Variants in DCLK2 observed in about 807,000 individuals in gnomAD.
DCLK2 encodes serine/threonine-protein kinase DCLK2.
DCLK2 carries 31 observed loss-of-function variants against 78.4 expected under a neutral mutation model. That is an observed-to-expected ratio of 0.40 (90% CI 0.30 to 0.53). The LOEUF is 0.53. Ranked by LOEUF, DCLK2 falls within the 20% of genes least tolerant of loss-of-function variation. DCLK2 has a pLI of 0.61. For synonymous variants in DCLK2, 407 were observed against 374.9 expected, an observed-to-expected ratio of 1.09 and a Z score of -0.99; for missense variants, 872 against 973.7, an observed-to-expected ratio of 0.90 and a Z score of 1.39.
At chr4:150,121,027 C>T (rs560463989) in intron 2 of DCLK2, among the ~76,000 whole-genome samples, 439 of 152,046 alleles carry the variant, frequency 2.9e-3, no homozygotes, top group Non-Finnish European at 4.2e-3. Context: ...ACCGAGACTG[C>T]GCTATTGCAC....
intron 2 of DCLK2, among the ~76,000 whole-genome samples, chr4:150,163,519 A>G (rs1735855437): frequency 6.6e-6 from 1 of 152,174 alleles, no homozygotes; most frequent in African/African-American, 2.4e-5. Context: ...TCCTTGCCCA[A>G]CCGCCACCCC....
At chr4:150,199,874 T>TAC in intron 4 of DCLK2, among the ~76,000 whole-genome samples, 1 of 152,240 alleles carries the variant, frequency 6.6e-6, no homozygotes, top group Admixed American at 6.5e-5. Context: ...GGCACGGAGG[T>TAC]ACCACCTGTG....
intron 2 of DCLK2, among the ~76,000 whole-genome samples, chr4:150,147,973 A>G (rs1734603229): frequency 6.6e-6 from 1 of 152,252 alleles, no homozygotes; most frequent in Admixed American, 6.5e-5. Flanking sequence ...TGATAGCGTT[A>G]AAAAGTTGCC....
At chr4:150,112,093 A>G (rs918687371) in intron 2 of DCLK2, among the ~76,000 whole-genome samples, 10 of 152,154 alleles carry the variant, frequency 6.6e-5, no homozygotes, top group African/African-American at 2.4e-4. Context: ...CCAATCCATG[A>G]GCATGGTATG....
chr4:150,086,675 T>G (rs1310231855), intron 1 of DCLK2, among the ~76,000 whole-genome samples: 1 of 151,948 alleles, frequency 6.6e-6, no homozygotes, highest in African/African-American at 2.4e-5. Context: ...CCCTGCTAAT[T>G]TTTTGTATTT....
chr4:150,221,588 T>A, intron 6 of DCLK2, 89 bp from the exon 7 acceptor site: 1 of 744,526 alleles, frequency 1.3e-6, no homozygotes, highest in Non-Finnish European at 2.1e-6. Context: ...TAGAAATAAA[T>A]GCATCGCAGT....
chr4:150,212,187 C>T (rs6826061), intron 5 of DCLK2, among the ~76,000 whole-genome samples: 4 of 152,190 alleles, frequency 2.6e-5, no homozygotes, highest in Non-Finnish European at 5.9e-5. Context: ...ACATTTGGAA[C>T]ATTATCCAAC....
intron 1 of DCLK2, among the ~76,000 whole-genome samples, chr4:150,096,746 T>C (rs907580257): frequency 1.3e-5 from 2 of 152,270 alleles, no homozygotes; most frequent in South Asian, 4.1e-4. Flanking sequence ...AAGAAGTACT[T>C]GGGAACTGGG....
At chr4:150,181,085 T>C (rs577863162) in intron 2 of DCLK2, among the ~76,000 whole-genome samples, 1 of 152,358 alleles carries the variant, frequency 6.6e-6, no homozygotes, top group Non-Finnish European at 1.5e-5. Flanking sequence ...GGCTGTCCAC[T>C]CTTGATTGGA....
At chr4:150,131,241 G>GA (rs1257181485) in intron 2 of DCLK2, among the ~76,000 whole-genome samples, 2 of 151,782 alleles carry the variant, frequency 1.3e-5, no homozygotes, top group African/African-American at 2.4e-5. Flanking sequence ...TGTTAAGGCA[G>GA]AAAAAAAGCC....
At chr4:150,232,179 C>G (rs1332947638) in intron 8 of DCLK2, among the ~76,000 whole-genome samples, 158 bp from the exon 9 acceptor site, 1 of 152,198 alleles carries the variant, frequency 6.6e-6, no homozygotes, top group Non-Finnish European at 1.5e-5. Context: ...CCTGTCCCTA[C>G]AGGGACAATT....
chr4:150,215,554 A>G (rs1315024687), intron 5 of DCLK2, among the ~76,000 whole-genome samples: 2 of 152,210 alleles, frequency 1.3e-5, no homozygotes, highest in Non-Finnish European at 2.9e-5. Flanking sequence ...AGATGAAGAT[A>G]TGCATAGGGC....
At chr4:150,148,221 G>T (rs563269797) in intron 2 of DCLK2, among the ~76,000 whole-genome samples, 8 of 152,136 alleles carry the variant, frequency 5.3e-5, no homozygotes, top group Middle Eastern at 3.4e-3. Context: ...AAAATTAGCT[G>T]GACGTTGTGG....
chr4:150,141,648 G>A (rs1442360439), intron 2 of DCLK2, among the ~76,000 whole-genome samples: 2 of 152,128 alleles, frequency 1.3e-5, no homozygotes, highest in African/African-American at 4.8e-5. Flanking sequence ...GCAGGTCATG[G>A]CACAGAGAAT....
intron 2 of DCLK2, among the ~76,000 whole-genome samples, chr4:150,142,046 T>A (rs1734147025): frequency 6.6e-6 from 1 of 152,244 alleles, no homozygotes; most frequent in South Asian, 2.1e-4. Context: ...TGTTTTAGTG[T>A]ATTTATTTTA....
At chr4:150,124,278 G>A (rs947560469) in intron 2 of DCLK2, among the ~76,000 whole-genome samples, 7 of 151,930 alleles carry the variant, frequency 4.6e-5, no homozygotes, top group African/African-American at 1.7e-4. Context: ...GGAGCATTTC[G>A]CTTTTCTTTA....
intron 5 of DCLK2, among the ~76,000 whole-genome samples, chr4:150,212,768 A>G (rs1740410186): frequency 6.6e-6 from 1 of 152,248 alleles, no homozygotes; most frequent in Non-Finnish European, 1.5e-5. Flanking sequence ...GTGTATAAAT[A>G]GGATCAATTG....
At chr4:150,220,053 G>A (rs775434185) in intron 5 of DCLK2, among the ~76,000 whole-genome samples, 3 of 152,186 alleles carry the variant, frequency 2.0e-5, no homozygotes, top group South Asian at 2.1e-4. Flanking sequence ...AAGTGAAGCC[G>A]GAGAAGGACT....
intron 1 of DCLK2, among the ~76,000 whole-genome samples, chr4:150,086,445 G>A (rs1729644192): frequency 6.6e-6 from 1 of 151,906 alleles, no homozygotes; most frequent in South Asian, 2.1e-4. Context: ...ACTAGTATCT[G>A]AGATTGAGAT....
Sources: gnomAD v4.1 joint callset for allele counts (sites outside exome capture counted in the v4.1 genomes callset) on GRCh38, gnomAD v4.1.1 for gene constraint, MANE v1.5 for transcripts, NCBI Gene and HGNC (gene_info 2026-07-23, HGNC 2026-07-21) for gene names.